Variants in DGKI observed in about 807,000 individuals in gnomAD.
DGKI encodes diacylglycerol kinase iota, also known as DAG kinase iota.
In DGKI, 55 loss-of-function variants were observed where a neutral mutation model predicts 147.5. That is an observed-to-expected ratio of 0.37 (90% CI 0.30 to 0.47). The LOEUF is 0.47. DGKI is among the 20% of genes least tolerant of loss of function. DGKI has a pLI of 1.00. For missense variants in DGKI, 1,007 were observed against 1,323.8 expected (o/e 0.76, Z 3.71); for synonymous variants, 469 against 477.1 (o/e 0.98, Z 0.22).
At chr7:137,649,954 C>CCAACAAT (rs57918914) in intron 5 of DGKI, among the ~76,000 whole-genome samples, 2,929 of 151,866 alleles carry the variant, frequency 0.019, 97 homozygotes, top group African/African-American at 0.067. Context: ...GGCATAGTGA[C>CCAACAAT]CAACAATCTG....
chr7:137,716,614 G>A (rs1794384603), intron 1 of DGKI, among the ~76,000 whole-genome samples: 1 of 152,130 alleles, frequency 6.6e-6, no homozygotes, highest in South Asian at 2.1e-4. Flanking sequence ...ACACATGCAG[G>A]GTGTGTTGAA....
intron 1 of DGKI, among the ~76,000 whole-genome samples, chr7:137,778,091 T>C (rs1796411955): frequency 6.6e-6 from 1 of 152,222 alleles, no homozygotes; most frequent in Non-Finnish European, 1.5e-5. Flanking sequence ...AGTTTTGTGA[T>C]ACTAAAACAT....
intron 1 of DGKI, among the ~76,000 whole-genome samples, chr7:137,775,505 C>T (rs944009491): frequency 3.9e-5 from 6 of 152,160 alleles, no homozygotes; most frequent in African/African-American, 1.4e-4. Context: ...TAGTGCTCAC[C>T]TGTGTTTGCA....
intron 6 of DGKI, among the ~76,000 whole-genome samples, chr7:137,633,760 C>T (rs1231546046): frequency 6.6e-6 from 1 of 152,206 alleles, no homozygotes; most frequent in Non-Finnish European, 1.5e-5. Context: ...TTTTCCATCC[C>T]TCTCTGAAAG....
At chr7:137,521,817 G>T in intron 21 of DGKI, 49 bp downstream of exon 21, 1 of 1,349,724 alleles carries the variant, frequency 7.4e-7, no homozygotes, top group Non-Finnish European at 1.1e-6. Flanking sequence ...GGATCAAGAA[G>T]CTGAAGATAG....
At chr7:137,412,849 T>A (rs1177406792) in intron 28 of DGKI, among the ~76,000 whole-genome samples, 1 of 152,146 alleles carries the variant, frequency 6.6e-6, no homozygotes, top group Admixed American at 6.5e-5. Context: ...TTTAATTTAT[T>A]GATGATTCTT....
chr7:137,727,250 C>T (rs2116645012), intron 1 of DGKI, among the ~76,000 whole-genome samples: 1 of 152,248 alleles, frequency 6.6e-6, no homozygotes, highest in Admixed American at 6.5e-5. Context: ...AACTTGGAGA[C>T]TGTGACCCCA....
At chr7:137,465,526 A>G (rs1585140151) in intron 26 of DGKI, among the ~76,000 whole-genome samples, 1 of 152,224 alleles carries the variant, frequency 6.6e-6, no homozygotes, top group East Asian at 1.9e-4. Flanking sequence ...TTATTATATA[A>G]TCTACATGTC....
chr7:137,586,506 C>T (rs755024813), intron 13 of DGKI, among the ~76,000 whole-genome samples: 30 of 151,946 alleles, frequency 2.0e-4, no homozygotes, highest in Non-Finnish European at 4.0e-4. Context: ...ATATATATTG[C>T]GCCTTCTTAC....
At chr7:137,769,568 A>G (rs1025424547) in intron 1 of DGKI, among the ~76,000 whole-genome samples, 2 of 152,238 alleles carry the variant, frequency 1.3e-5, no homozygotes, top group Non-Finnish European at 2.9e-5. Context: ...AATTTTTGCA[A>G]TCTACTCATT....
At chr7:137,824,698 C>A (rs1236603239) in intron 1 of DGKI, among the ~76,000 whole-genome samples, 4 of 152,080 alleles carry the variant, frequency 2.6e-5, no homozygotes, top group Non-Finnish European at 5.9e-5. Flanking sequence ...TCCTGATCCT[C>A]TCCCTCCTCC....
At chr7:137,659,389 T>C (rs947452516) in intron 3 of DGKI, among the ~76,000 whole-genome samples, 1 of 152,198 alleles carries the variant, frequency 6.6e-6, no homozygotes, top group Admixed American at 6.5e-5. Context: ...ACATTTCAAC[T>C]GGTTAAAGTT....
chr7:137,438,663 C>A (rs1042191772), intron 28 of DGKI, among the ~76,000 whole-genome samples: 1 of 151,812 alleles, frequency 6.6e-6, no homozygotes, highest in Non-Finnish European at 1.5e-5. Context: ...AAAAACAAAC[C>A]CCCAAGAAAC....
chr7:137,532,787 C>A lies in DGKI; in HGVS notation c.2148-10821G>T, dbSNP rs552295212. Among the ~76,000 whole-genome samples, 126 of 152,262 alleles carry A rather than the reference C, an allele frequency of 8.3e-4. No individual in the cohort carries two copies. In the South Asian group the frequency reaches 0.013, roughly 16 times the overall value. ...TCATTTCCCTTCTCTAATTCCTGATCCAATGACTGAGGGATTTTATAAACT... is the reference window on the plus strand; with the variant it reads ...TCATTTCCCTTCTCTAATTCCTGATACAATGACTGAGGGATTTTATAAACT... On this transcript the variant is annotated intron_variant, in intron 20 of 32. Coordinates refer to ENST00000614521, the MANE Select transcript of DGKI (RefSeq NM_001321708.2).
rs202042100 is a variant in DGKI, at chr7:137,758,688, AAAT to A, written c.402-68689_402-68687del. On this transcript the variant is annotated intron_variant, in intron 1 of 32. Transcript: ENST00000614521. ...GTGACAGAGCAAGACTCCGTCTCAA[AAAT>A]AATAATAAATAAATAAAATTATATA... Among the ~76,000 whole-genome samples the A allele has an allele frequency of 2.7e-3, 402 of 151,476 alleles. 16 individuals carry two copies. In the East Asian group the frequency reaches 0.065, roughly 24 times the overall value.
Position 137,383,144 on chromosome 7 carries a change from T to C in DGKI, c.*8076A>G, listed in dbSNP as rs191106733. On this transcript the variant is annotated 3_prime_UTR_variant, in exon 33 of 33. Transcript: ENST00000614521. ...AACACTAAATCCTTTGTTTTCACTT[T>C]GACTCCTGAATCTGTGACCTTTTTG... 6.6e-6 allele frequency: 1 copy of C among 152,068 alleles called. No homozygotes were observed. Among genetic ancestry groups the C allele is most frequent in the African/African-American group, 2.4e-5 (1 of 41,552 alleles). 9.4% of individuals were successfully genotyped at this position (152,068 alleles called of 1,614,324 possible). A position where few individuals can be genotyped will look rare whatever the true frequency, so the allele number is the denominator to read the frequency against.
intron 6 of DGKI, among the ~76,000 whole-genome samples, chr7:137,642,519 A>G (rs980436310): frequency 1.3e-5 from 2 of 152,140 alleles, no homozygotes; most frequent in Non-Finnish European, 1.5e-5. Flanking sequence ...CAAATTACAT[A>G]ATTTGAACTT....
intron 9 of DGKI, 127 bp downstream of exon 9, chr7:137,609,408 G>T: frequency 1.4e-6 from 1 of 692,944 alleles, no homozygotes; most frequent in Non-Finnish European, 2.5e-6. Context: ...TGTGGTTAGA[G>T]TGTAGTGAGG....
At chr7:137,819,873 C>G (rs1193949800) in intron 1 of DGKI, among the ~76,000 whole-genome samples, 2 of 152,198 alleles carry the variant, frequency 1.3e-5, no homozygotes, top group African/African-American at 4.8e-5. Flanking sequence ...ACCTCCATTA[C>G]TATTCCTTGT....
Sources: gnomAD v4.1 joint callset for allele counts (sites outside exome capture counted in the v4.1 genomes callset) on GRCh38, gnomAD v4.1.1 for gene constraint, MANE v1.5 for transcripts, NCBI Gene and HGNC (gene_info 2026-07-23, HGNC 2026-07-21) for gene names.